Variants in ITGA4 observed in about 807,000 individuals in gnomAD.
ITGA4 encodes integrin alpha-4.
In ITGA4, 63 loss-of-function variants were observed where a neutral mutation model predicts 133.6. That is an observed-to-expected ratio of 0.47 (90% CI 0.38 to 0.58). The LOEUF (loss-of-function observed/expected upper bound fraction) is 0.58, where lower values mean the gene tolerates loss of function less well. Among genes scored for constraint, ITGA4 ranks in the 20% least tolerant of loss-of-function variants. ITGA4 has a pLI of 0.00. For missense variants in ITGA4, 1,076 were observed against 1,252.7 expected (o/e 0.86, Z 2.13); for synonymous variants, 483 against 438.0 (o/e 1.10, Z -1.28).
Position 181,491,535 on chromosome 2 carries a change from C to CAAA in ITGA4, c.1154-1766_1154-1764dup, listed in dbSNP as rs1489299957. ...TGGGCGACAGAGCTAAACTCCGTCT[C>CAAA]AAAAAAAAAAAAAAAAAAAAAAAAA... is the stretch of plus-strand genomic sequence containing the variant. On this transcript the variant is annotated intron_variant, in intron 10 of 27. Coordinates refer to ENST00000397033, the MANE Select transcript of ITGA4 (RefSeq NM_000885.6). Among the ~76,000 whole-genome samples the CAAA allele has an allele frequency of 2.4e-4, 34 of 143,442 alleles. 15 individuals are homozygous for CAAA. Among genetic ancestry groups the CAAA allele is most frequent in the African/African-American group, 9.8e-4 (34 of 34,870 alleles). 94.1% of individuals were successfully genotyped at this position (143,442 alleles called of 152,430 possible).
At chr2:181,498,341 G>A (rs1686199403) in intron 14 of ITGA4, 1 of 182,142 alleles carries the variant, frequency 5.5e-6, no homozygotes, top group African/African-American at 2.4e-5. Context: ...TTATATTTTT[G>A]AAATTTTTAT....
At chr2:181,514,897 T>C (rs1006518358) in intron 17 of ITGA4, among the ~76,000 whole-genome samples, 1 of 152,162 alleles carries the variant, frequency 6.6e-6, no homozygotes. Context: ...GCATTTTTAA[T>C]TTAGAGTGAT....
At chr2:181,499,759 A>G (rs1478436778) in intron 15 of ITGA4, among the ~76,000 whole-genome samples, 1 of 152,192 alleles carries the variant, frequency 6.6e-6, no homozygotes, top group Non-Finnish European at 1.5e-5. Flanking sequence ...ATATGGTAGG[A>G]ATTAAAGAGG....
intron 9 of ITGA4, among the ~76,000 whole-genome samples, chr2:181,484,420 A>G (rs1685870832): frequency 6.6e-6 from 1 of 152,118 alleles, no homozygotes; most frequent in South Asian, 2.1e-4. Flanking sequence ...AGAACTTCAG[A>G]GCCATTGCAT....
chr2:181,457,565 G>T lies in ITGA4; in HGVS notation c.-90G>T. On this transcript the variant is annotated 5_prime_UTR_variant, in exon 1 of 28. Coordinates refer to ENST00000397033, the MANE Select transcript of ITGA4 (RefSeq NM_000885.6). ...CCGGACACGCTGCGCCTCATCTCTT[G>T]GGGCGTTCTTCCCCGTTGGCCAACC... 1 of 1,191,794 alleles carries T rather than the reference G, an allele frequency of 8.4e-7. No individual in the cohort carries two copies. 73.8% of individuals were successfully genotyped at this position (1,191,794 alleles called of 1,614,324 possible). A position where few individuals can be genotyped will look rare whatever the true frequency, so the allele number is the denominator to read the frequency against.
In ITGA4 at chr2:181,516,907, A is replaced by G. The variant is rs547748135; in HGVS notation, c.1922+5132A>G. Reference sequence around the variant, plus strand: ...TGGAAATAGTACGAATATTTGGCTCACTGACAGCATAAAGTTTTGGGAGAA... The same window carrying G: ...TGGAAATAGTACGAATATTTGGCTCGCTGACAGCATAAAGTTTTGGGAGAA... On this transcript the variant is annotated intron_variant, in intron 17 of 27. Coordinates refer to ENST00000397033, the MANE Select transcript of ITGA4 (RefSeq NM_000885.6). The surrounding 1 kb of genome is among the most constrained non-coding windows in gnomAD (Gnocchi z 4.0). Among the ~76,000 whole-genome samples, 8 of 152,212 alleles carry G rather than the reference A, an allele frequency of 5.3e-5. No homozygotes were observed. The highest frequency in any genetic ancestry group is 1.7e-4 in the African/African-American group (7 of 41,550).
At chr2:181,473,758 A>G (rs1221690501) in intron 2 of ITGA4, among the ~76,000 whole-genome samples, 2 of 152,192 alleles carry the variant, frequency 1.3e-5, no homozygotes, top group African/African-American at 4.8e-5. Flanking sequence ...ACTTGAGGCA[A>G]GAGTTCAAGA....
chr2:181,531,519 C>A, intron 24 of ITGA4, 138 bp from the exon 25 acceptor site: 1 of 373,750 alleles, frequency 2.7e-6, no homozygotes, highest in Non-Finnish European at 4.7e-6. Context: ...CTAAGGAAAG[C>A]AGATGTTTAA....
chr2:181,492,430 G>A (rs534841178), intron 10 of ITGA4, among the ~76,000 whole-genome samples: 37 of 152,208 alleles, frequency 2.4e-4, no homozygotes, highest in African/African-American at 8.7e-4. Context: ...CAATTTGATG[G>A]TAATAAGTAA....
intron 17 of ITGA4, among the ~76,000 whole-genome samples, chr2:181,512,185 T>C (rs912535266): frequency 6.6e-6 from 1 of 152,078 alleles, no homozygotes; most frequent in African/African-American, 2.4e-5. Context: ...TCATTTTGCA[T>C]ATCAAAAAGA....
chr2:181,535,532 TTCTTTCAAA>T lies in ITGA4; in HGVS notation c.*7_*15del. The T allele has an allele frequency of 6.3e-7, 1 of 1,596,182 alleles. No individual in the cohort carries two copies. Among genetic ancestry groups the T allele is most frequent in the Non-Finnish European group, 8.5e-7 (1 of 1,172,608 alleles). ...AGTAAAAGCAATGATGATTAAGGAC[TTCTTTCAAA>T]TTGAGAGAATGGAAAACAGACTCAG... On this transcript the variant is annotated 3_prime_UTR_variant, in exon 28 of 28. Coordinates refer to ENST00000397033, the MANE Select transcript of ITGA4 (RefSeq NM_000885.6).
intron 14 of ITGA4, among the ~76,000 whole-genome samples, chr2:181,497,740 T>G (rs1686183225): frequency 6.6e-6 from 1 of 152,182 alleles, no homozygotes; most frequent in South Asian, 2.1e-4. Context: ...AATTATTGCC[T>G]CTATGTAGTG....
rs941731872 is a variant in ITGA4 at position 181,457,466 on chromosome 2, C to T, written c.-189C>T. The T allele has an allele frequency of 4.2e-5, 24 of 577,372 alleles. No homozygotes were observed. Among genetic ancestry groups the T allele is most frequent in the Non-Finnish European group, 7.2e-5 (24 of 334,424 alleles). The allele number at this position is 577,372 out of a possible 1,614,324, so 35.8% of individuals were successfully genotyped here. ...CGGGCGAGTGCGCGGCATCCCAGGC[C>T]GGCCCGAACGCTCCGCCCGCGGTGG... is the stretch of plus-strand genomic sequence containing the variant. On this transcript the variant is annotated 5_prime_UTR_variant, in exon 1 of 28. Coordinates refer to ENST00000397033, the MANE Select transcript of ITGA4 (RefSeq NM_000885.6).
At position 181,538,362 on chromosome 2, in the gene ITGA4, A is replaced by G. The variant is rs1308233127; in HGVS notation, c.*2835A>G. 1 of 642,620 alleles carries G rather than the reference A, an allele frequency of 1.6e-6. No homozygotes were observed. The highest frequency in any genetic ancestry group is 2.7e-5 in the East Asian group (1 of 37,468). The allele number at this position is 642,620 out of a possible 1,614,324, so 39.8% of individuals were successfully genotyped here. A position where few individuals can be genotyped will look rare whatever the true frequency, so the allele number is the denominator to read the frequency against. ...ATTGATAACAAACACAGCATTCCCA[A>G]CAGAGCTGTAATCTAGAAAACTGAG... is the stretch of plus-strand genomic sequence containing the variant. On this transcript the variant is annotated 3_prime_UTR_variant, in exon 28 of 28. Coordinates refer to ENST00000397033, the MANE Select transcript of ITGA4 (RefSeq NM_000885.6).
At chr2:181,463,081 T>C (rs1685325907) in intron 2 of ITGA4, among the ~76,000 whole-genome samples, 1 of 152,126 alleles carries the variant, frequency 6.6e-6, no homozygotes, top group Non-Finnish European at 1.5e-5. Context: ...GTGGGGGAAC[T>C]GAAAAATAAT....
chr2:181,471,749 C>T (rs1685557559), intron 2 of ITGA4, among the ~76,000 whole-genome samples: 1 of 152,174 alleles, frequency 6.6e-6, no homozygotes, highest in Non-Finnish European at 1.5e-5. Context: ...ATCTCTTCTG[C>T]TCACGGGTGA....
chr2:181,464,280 T>G (rs1685359292), intron 2 of ITGA4, among the ~76,000 whole-genome samples: 1 of 152,160 alleles, frequency 6.6e-6, no homozygotes, highest in Non-Finnish European at 1.5e-5. Context: ...AGTTCATTAG[T>G]AACCTCGGTA....
rs1005166557 is a variant in ITGA4, at chr2:181,511,732, T to G, written c.1879T>G (p.Cys627Gly). 1.2e-6 allele frequency: 2 copies of G among 1,601,092 alleles called. No homozygotes were observed. The highest frequency in any genetic ancestry group is 1.7e-5 in the Admixed American group (1 of 59,882). Residue 627 changes from cysteine to glycine, a missense_variant, in exon 17 of 28, where the codon TGT becomes GGT. By Grantham distance (159) the Cys-to-Gly change is radical. Coordinates refer to ENST00000397033, the MANE Select transcript of ITGA4 (RefSeq NM_000885.6). The stretch of plus-strand genomic sequence containing the variant: ...TGCAAGGTTTTGTGCCCATGAAAAT[T>G]GTTCTGCTGATTTACAGGTTTCTGC... The part of the protein sequence containing the change: ...NFARFCAHEN[C>G]SADLQVSAKI...
Position 181,516,128 on chromosome 2 carries a change from T to C in ITGA4, c.1922+4353T>C, listed in dbSNP as rs993585715. On this transcript the variant is annotated intron_variant, in intron 17 of 27. Coordinates refer to ENST00000397033, the MANE Select transcript of ITGA4 (RefSeq NM_000885.6). This position sits in a 1 kb window ranked among gnomAD's most constrained non-coding sequence, Gnocchi z 4.0. The stretch of plus-strand genomic sequence containing the variant: ...CACGACTTCAAGATTACAAATATAA[T>C]AGAAGGTATTAGCCATCACATAGGG... Among the ~76,000 whole-genome samples, 1 of 151,996 alleles carries C rather than the reference T, an allele frequency of 6.6e-6. No individual in the cohort carries two copies. The highest frequency in any genetic ancestry group is 1.5e-5 in the Non-Finnish European group (1 of 67,984).
Sources: allele counts gnomAD v4.1 joint callset (sites outside exome capture counted in the v4.1 genomes callset), GRCh38; gene constraint gnomAD v4.1.1; non-coding constraint Gnocchi (gnomAD v3.1); transcripts MANE v1.5; gene names NCBI Gene and HGNC (gene_info 2026-07-23, HGNC 2026-07-21).